The following NFIA variants were observed in gnomAD, a reference collection of about 807,000 sequenced individuals.
NFIA encodes the protein nuclear factor 1 A-type.
In NFIA, 8 loss-of-function variants were observed where a neutral mutation model predicts 62.8. That is an observed-to-expected ratio of 0.13 (90% CI 0.07 to 0.23). The LOEUF (loss-of-function observed/expected upper bound fraction) is 0.23, where lower values mean the gene tolerates loss of function less well. Among genes scored for constraint, NFIA ranks in the 10% least tolerant of loss-of-function variants. NFIA has a pLI of 1.00. For missense variants in NFIA, 410 were observed against 642.1 expected (o/e 0.64, Z 3.91); for synonymous variants, 235 against 238.1 (o/e 0.99, Z 0.12).
intron 10 of NFIA, among the ~76,000 whole-genome samples, chr1:61,453,959 T>C (rs1668190020): frequency 6.6e-6 from 1 of 152,162 alleles, no homozygotes; most frequent in African/African-American, 2.4e-5. Flanking sequence ...AGTTTTTCGG[T>C]CTGGGCTTAA....
chr1:61,421,775 C>T (rs1003500468), intron 9 of NFIA, among the ~76,000 whole-genome samples: 2 of 152,158 alleles, frequency 1.3e-5, no homozygotes, highest in Non-Finnish European at 2.9e-5. Flanking sequence ...TTCAGGTTTA[C>T]CCTTTACACG....
At chr1:61,235,898 C>G (rs1020520320) in intron 2 of NFIA, among the ~76,000 whole-genome samples, 1 of 152,036 alleles carries the variant, frequency 6.6e-6, no homozygotes, top group African/African-American at 2.4e-5. Context: ...TTGGCTCCCC[C>G]ACTCAACTGA....
chr1:61,150,969 G>A (rs530310614), intron 2 of NFIA, among the ~76,000 whole-genome samples: 1 of 152,266 alleles, frequency 6.6e-6, no homozygotes, highest in South Asian at 2.1e-4. Context: ...AAAGAAGAGG[G>A]ATTTGTGTAG....
At chr1:61,252,209 C>T (rs1030341183) in intron 2 of NFIA, among the ~76,000 whole-genome samples, 1 of 152,122 alleles carries the variant, frequency 6.6e-6, no homozygotes, top group African/African-American at 2.4e-5. Flanking sequence ...GCAAGATGAA[C>T]CAAGACTTTT....
In NFIA at chr1:61,247,226, A is replaced by C. The variant is rs184267942; in HGVS notation, c.560-30294A>C. On this transcript the variant is annotated intron_variant, in intron 2 of 10. Transcript: ENST00000403491. ...AAAAAGAGTGTCAAGACACAACCCAAGTTCATCACCTGAATGCCATTGATA... is the reference window on the plus strand; with the variant it reads ...AAAAAGAGTGTCAAGACACAACCCACGTTCATCACCTGAATGCCATTGATA... Among the ~76,000 whole-genome samples the C allele has an allele frequency of 1.6e-3, 245 of 152,320 alleles. 1 individual carries two copies. The highest frequency in any genetic ancestry group is 5.6e-3 in the African/African-American group (233 of 41,562).
At chr1:61,349,902 C>T (rs1386153144) in intron 4 of NFIA, among the ~76,000 whole-genome samples, 1 of 152,096 alleles carries the variant, frequency 6.6e-6, no homozygotes, top group Non-Finnish European at 1.5e-5. Context: ...CCCAGCCAGT[C>T]AGTACATCTT....
chr1:61,172,933 AG>A (rs979831750), intron 2 of NFIA, among the ~76,000 whole-genome samples: 43 of 152,214 alleles, frequency 2.8e-4, no homozygotes, highest in African/African-American at 9.7e-4. Flanking sequence ...CAGTATTTGC[AG>A]TTTTATAAGG....
chr1:61,280,898 G>T (rs1658089866), intron 3 of NFIA, among the ~76,000 whole-genome samples: 1 of 152,142 alleles, frequency 6.6e-6, no homozygotes, highest in Non-Finnish European at 1.5e-5. Flanking sequence ...TAATAGCTGA[G>T]TGACTGAGTA....
chr1:61,080,026 CGGG>C (rs906829305), upstream of NFIA, among the ~76,000 whole-genome samples: 4 of 152,174 alleles, frequency 2.6e-5, no homozygotes, highest in African/African-American at 4.8e-5. Flanking sequence ...CCTCCCTCCG[CGGG>C]GGAGGGAGCG....
At chr1:61,093,255 CT>C (rs1646351824) in intron 2 of NFIA, among the ~76,000 whole-genome samples, 1 of 151,932 alleles carries the variant, frequency 6.6e-6, no homozygotes, top group Non-Finnish European at 1.5e-5. Flanking sequence ...AATAAACACC[CT>C]AGTAGAAAGT....
chr1:61,222,284 T>G (rs1183285005), intron 2 of NFIA, among the ~76,000 whole-genome samples: 1 of 152,094 alleles, frequency 6.6e-6, no homozygotes, highest in African/African-American at 2.4e-5. Context: ...AGTCCAAGAG[T>G]ATCCAGTTGC....
At chr1:61,234,798 C>T (rs879868664) in intron 2 of NFIA, among the ~76,000 whole-genome samples, 8 of 152,222 alleles carry the variant, frequency 5.3e-5, no homozygotes, top group Non-Finnish European at 1.0e-4. Flanking sequence ...TGTATTTTGA[C>T]TGCCTGCACT....
At chr1:61,277,398 G>T in intron 2 of NFIA, 122 bp from the exon 3 acceptor site, 1 of 818,710 alleles carries the variant, frequency 1.2e-6, no homozygotes, top group Non-Finnish European at 2.0e-6. Flanking sequence ...CATGTCTCAT[G>T]TCATTTCTGT....
intron 3 of NFIA, among the ~76,000 whole-genome samples, chr1:61,283,203 G>GCAT (rs1404483373): frequency 6.6e-6 from 1 of 152,128 alleles, no homozygotes; most frequent in Admixed American, 6.5e-5. Context: ...GCTATTTCAT[G>GCAT]CATTATTATT....
In NFIA at chr1:61,255,031, T is replaced by C. The variant is rs879853983; in HGVS notation, c.560-22489T>C. ...TGGCTTAGCGATCTGAAAGTCCAAA[T>C]TGAAAGAAGCCCAGAGGCTGTATAT... On this transcript the variant is annotated intron_variant, in intron 2 of 10. Coordinates refer to ENST00000403491, the MANE Select transcript of NFIA (RefSeq NM_001134673.4). 1.2e-4 allele frequency among the ~76,000 whole-genome samples: 18 copies of C among 152,276 alleles called. No individual in the cohort carries two copies. In the East Asian group the frequency reaches 2.7e-3, roughly 23 times the overall value.
chr1:61,200,044 A>G (rs77231122), intron 2 of NFIA, among the ~76,000 whole-genome samples: 22 of 50,242 alleles, frequency 4.4e-4, no homozygotes, highest in Middle Eastern at 6.5e-3. Context: ...ATATATATAT[A>G]TATATATATA....
chr1:61,153,021 T>A (rs334702), intron 2 of NFIA, among the ~76,000 whole-genome samples: 3 of 152,124 alleles, frequency 2.0e-5, no homozygotes, highest in Non-Finnish European at 4.4e-5. Context: ...AGTCTTCATC[T>A]AGTCATTAAA....
intron 7 of NFIA, among the ~76,000 whole-genome samples, chr1:61,400,381 C>G (rs555547548): frequency 6.6e-6 from 1 of 152,340 alleles, no homozygotes; most frequent in Non-Finnish European, 1.5e-5. Flanking sequence ...TGAGATCCAT[C>G]AGGAGTGAAG....
At chr1:61,249,298 A>G (rs947141065) in intron 2 of NFIA, among the ~76,000 whole-genome samples, 21 of 152,366 alleles carry the variant, frequency 1.4e-4, no homozygotes, top group African/African-American at 5.0e-4. Context: ...GATTTTTTTC[A>G]GAAGGAAATA....
Sources: allele counts gnomAD v4.1 joint callset (sites outside exome capture counted in the v4.1 genomes callset), GRCh38; gene constraint gnomAD v4.1.1; transcripts MANE v1.5; gene names NCBI Gene and HGNC (gene_info 2026-07-23, HGNC 2026-07-21).